Variants in TEX11 observed in about 807,000 individuals in gnomAD.
The protein encoded by TEX11 is testis expressed 11, also known as testis-expressed protein 11.
A neutral mutation model predicts 84.4 loss-of-function variants in TEX11; 7 were observed. The observed-to-expected ratio is 0.08, with a 90% CI of 0.05 to 0.16. The LOEUF (loss-of-function observed/expected upper bound fraction) is 0.16. Ranked by LOEUF, TEX11 falls within the 10% of genes least tolerant of loss-of-function variation. The probability of loss-of-function intolerance (pLI) is 1.00; values close to 1 mark genes in which losing one functional copy is unlikely to be tolerated. For missense variants in TEX11, 551 were observed against 660.5 expected (o/e 0.83, Z 1.82); for synonymous variants, 264 against 222.8 (o/e 1.18, Z -1.64).
chrX:70,801,612 TTC>T (rs2091187788), intron 9 of TEX11, among the ~76,000 whole-genome samples: 1 of 109,591 alleles, frequency 9.1e-6, no homozygotes, highest in African/African-American at 3.3e-5. Context: ...TTTCTTTTCC[TTC>T]TTTTCTTTTA....
At chrX:70,751,111 C>A (rs1467910359) in intron 9 of TEX11, among the ~76,000 whole-genome samples, 1 of 104,104 alleles carries the variant, frequency 9.6e-6, no homozygotes, top group Non-Finnish European at 2.0e-5. Context: ...TACCATTTGA[C>A]CTAGCCCTCC....
chrX:70,878,626 G>A lies in TEX11; in HGVS notation c.159+1362C>T, dbSNP rs1380584337. 1.2e-3 allele frequency among the ~76,000 whole-genome samples: 131 copies of A among 104,957 alleles called. 1 individual carries two copies. Among genetic ancestry groups the A allele is most frequent in the African/African-American group, 3.6e-3 (103 of 29,007 alleles). 91.1% of individuals were successfully genotyped at this position (104,957 alleles called of 115,157 possible). A position where few individuals can be genotyped will look rare whatever the true frequency, so the allele number is the denominator to read the frequency against. On this transcript the variant is annotated intron_variant, in intron 3 of 29. Transcript: ENST00000374333. ...CCCTAGAACTTAAAATTTAAAAAAA[G>A]TAAAAAAAAAAAAAAGTTTAGAGTT...
intron 16 of TEX11, among the ~76,000 whole-genome samples, chrX:70,667,927 CA>C (rs57809004): frequency 0.39 from 36,930 of 94,546 alleles, 6,424 homozygotes; most frequent in African/African-American, 0.64. Context: ...GACTCTGTCT[CA>C]AAAAAAAAAA....
At chrX:70,856,036 C>A (rs1050217759) in intron 5 of TEX11, among the ~76,000 whole-genome samples, 2 of 111,408 alleles carry the variant, frequency 1.8e-5, no homozygotes, top group East Asian at 2.8e-4. Flanking sequence ...ATAGAGGGAA[C>A]CATGAGAGTG....
intron 25 of TEX11, among the ~76,000 whole-genome samples, chrX:70,578,911 C>T (rs1207277895): frequency 9.4e-6 from 1 of 106,599 alleles, no homozygotes; most frequent in Admixed American, 1.0e-4. Flanking sequence ...GCTGGGATTA[C>T]AGGCGCCCAC....
intron 9 of TEX11, among the ~76,000 whole-genome samples, chrX:70,766,241 G>A (rs1245123261): frequency 5.4e-5 from 6 of 110,274 alleles, no homozygotes; most frequent in Non-Finnish European, 1.9e-5. Flanking sequence ...GTGAAACCCT[G>A]GCTCTACTAA....
At chrX:70,812,216 T>C (rs1354755641) in intron 8 of TEX11, among the ~76,000 whole-genome samples, 1 of 109,386 alleles carries the variant, frequency 9.1e-6, no homozygotes, top group Non-Finnish European at 1.9e-5. Context: ...TTAATTTTTT[T>C]TTTTTTGAGA....
chrX:70,808,419 C>T (rs948231844), intron 8 of TEX11, among the ~76,000 whole-genome samples: 1 of 108,497 alleles, frequency 9.2e-6, no homozygotes, highest in African/African-American at 3.3e-5. Context: ...AGGAGAATCG[C>T]TTGAACCCGG....
intron 10 of TEX11, among the ~76,000 whole-genome samples, chrX:70,742,029 C>A (rs2090736795): frequency 9.0e-6 from 1 of 111,457 alleles, no homozygotes; most frequent in Admixed American, 9.7e-5. Context: ...GAATTCTAGG[C>A]TCTACGAATT....
chrX:70,774,810 A>G (rs184703822), intron 9 of TEX11, among the ~76,000 whole-genome samples: 9 of 111,791 alleles, frequency 8.1e-5, no homozygotes, highest in African/African-American at 2.9e-4. Context: ...TGCAATCCCT[A>G]TCAAAATACC....
At chrX:70,631,981 G>A (rs1193554271) in intron 17 of TEX11, among the ~76,000 whole-genome samples, 1 of 86,219 alleles carries the variant, frequency 1.2e-5, no homozygotes, top group East Asian at 3.7e-4. Context: ...TAACTCAACC[G>A]TTTCTGTTTA....
intron 11 of TEX11, among the ~76,000 whole-genome samples, chrX:70,732,928 A>T (rs966339773): frequency 1.2e-4 from 13 of 112,222 alleles, no homozygotes; most frequent in Non-Finnish European, 2.1e-4. Flanking sequence ...TAACCAAAAC[A>T]GCATAGTACT....
At chrX:70,897,157 C>CATATATTTATAG (rs1569462936) in intron 2 of TEX11, among the ~76,000 whole-genome samples, 27 of 23,987 alleles carry the variant, frequency 1.1e-3, no homozygotes, top group Middle Eastern at 0.12. Flanking sequence ...TTATATATAA[C>CATATATTTATAG]ATATATATTT....
At chrX:70,592,192 T>C (rs945168224) in intron 24 of TEX11, among the ~76,000 whole-genome samples, 1 of 110,252 alleles carries the variant, frequency 9.1e-6, no homozygotes, top group Non-Finnish European at 1.9e-5. Flanking sequence ...GCTCAGGAAA[T>C]TGCCCTGAGG....
chrX:70,838,696 C>T (rs1428340998), intron 7 of TEX11, among the ~76,000 whole-genome samples: 3 of 112,515 alleles, frequency 2.7e-5, no homozygotes, highest in African/African-American at 9.7e-5. Context: ...CATCGCCTCA[C>T]CAGGGAAGCA....
At chrX:70,906,702 G>A (rs1014243956) in intron 2 of TEX11, among the ~76,000 whole-genome samples, 1 of 111,200 alleles carries the variant, frequency 9.0e-6, no homozygotes, top group Non-Finnish European at 1.9e-5. Context: ...CAGAAGAATC[G>A]CTTGAACTCA....
chrX:70,708,087 A>T (rs887977605), intron 13 of TEX11, among the ~76,000 whole-genome samples: 6 of 111,237 alleles, frequency 5.4e-5, no homozygotes, highest in African/African-American at 9.8e-5. Flanking sequence ...GTGATTTTTT[A>T]AAAAAATCAA....
chrX:70,574,000 G>A (rs1340368474), intron 25 of TEX11, among the ~76,000 whole-genome samples: 2 of 111,912 alleles, frequency 1.8e-5, no homozygotes, highest in Non-Finnish European at 3.8e-5. Flanking sequence ...TTATACCAAA[G>A]TCAAAATTAT....
intron 28 of TEX11, among the ~76,000 whole-genome samples, chrX:70,542,221 A>G (rs188070688): frequency 1.8e-5 from 2 of 111,035 alleles, no homozygotes; most frequent in Admixed American, 9.6e-5. Flanking sequence ...TAGTGCCCTT[A>G]TAAAAGAGAC....
Sources: allele counts gnomAD v4.1 joint callset (sites outside exome capture counted in the v4.1 genomes callset), GRCh38; gene constraint gnomAD v4.1.1; transcripts MANE v1.5; gene names NCBI Gene and HGNC (gene_info 2026-07-23, HGNC 2026-07-21).